The following MAPKAPK2 variants were observed in gnomAD, a reference collection of about 807,000 sequenced individuals.
MAPKAPK2 encodes MAPK activated protein kinase 2.
A neutral mutation model predicts 48.8 loss-of-function variants in MAPKAPK2; 9 were observed. The observed-to-expected ratio is 0.18, with a 90% CI of 0.11 to 0.32. The LOEUF is 0.32. Ranked by LOEUF, MAPKAPK2 falls within the 10% of genes least tolerant of loss-of-function variation. The pLI, the probability that MAPKAPK2 is intolerant of heterozygous loss-of-function variation, is 1.00. For synonymous variants in MAPKAPK2, 202 were observed against 190.6 expected (o/e 1.06, Z -0.49); for missense variants, 331 against 498.3 (o/e 0.66, Z 3.20).
chr1:206,734,142 A>G lies in MAPKAPK2; in HGVS notation c.*1424A>G, dbSNP rs544717587. ...AGGGGCAGGTGGTGGAGGGGCGCCC[A>G]GGGTCGTCTTTGTGTATGGGGGAAG... On this transcript the variant is annotated 3_prime_UTR_variant, in exon 10 of 10. Transcript: ENST00000367103. 6.5e-6 allele frequency: 1 copy of G among 152,874 alleles called. No individual in the cohort carries two copies. The highest frequency in any genetic ancestry group is 1.9e-4 in the East Asian group (1 of 5,298). 9.5% of individuals were successfully genotyped at this position (152,874 alleles called of 1,614,324 possible).
intron 1 of MAPKAPK2, among the ~76,000 whole-genome samples, chr1:206,688,143 T>A (rs563050097): frequency 6.6e-6 from 1 of 152,356 alleles, no homozygotes; most frequent in African/African-American, 2.4e-5. Flanking sequence ...CTCTCCTGGC[T>A]GCTTTTGCTA....
chr1:206,716,674 T>A (rs1553430443), intron 1 of MAPKAPK2, among the ~76,000 whole-genome samples: 2 of 152,184 alleles, frequency 1.3e-5, no homozygotes, highest in South Asian at 2.1e-4. Flanking sequence ...ATTTTAGATT[T>A]GCTTTGGCAG....
In MAPKAPK2 at chr1:206,733,660, C is replaced by T. The variant is rs952250528; in HGVS notation, c.*942C>T. On this transcript the variant is annotated 3_prime_UTR_variant, in exon 10 of 10. Transcript: ENST00000367103. The stretch of plus-strand genomic sequence containing the variant: ...ACTCATCTACTGAATGACCTCTCTA[C>T]TTCCCCTTCTTGCCATTATTAACCC... 2.0e-5 allele frequency: 3 copies of T among 152,114 alleles called. No individual in the cohort carries two copies. Among genetic ancestry groups the T allele is most frequent in the African/African-American group, 7.2e-5 (3 of 41,396 alleles). The allele number at this position is 152,114 out of a possible 1,614,324, so 9.4% of individuals were successfully genotyped here. A position where few individuals can be genotyped will look rare whatever the true frequency, so the allele number is the denominator to read the frequency against.
chr1:206,732,020 C>T lies in MAPKAPK2; in HGVS notation c.1059+101C>T, dbSNP rs557263261. On this transcript the variant is annotated intron_variant, in intron 9 of 9. Transcript: ENST00000367103. The surrounding 1 kb of genome is among the most constrained non-coding windows in gnomAD (Gnocchi z 4.4). ...GGTGCTGGTAGGGGAGAGCTTGATTCTGCCTCTCTCATCCCAGGGGTGTCT... is the reference window on the plus strand; with the variant it reads ...GGTGCTGGTAGGGGAGAGCTTGATTTTGCCTCTCTCATCCCAGGGGTGTCT... 6.2e-7 allele frequency: 1 copy of T among 1,614,128 alleles called. No individual in the cohort carries two copies. Among genetic ancestry groups the T allele is most frequent in the African/African-American group, 1.3e-5 (1 of 75,014 alleles).
chr1:206,702,351 A>G (rs1553428036), intron 1 of MAPKAPK2, among the ~76,000 whole-genome samples: 1 of 152,202 alleles, frequency 6.6e-6, no homozygotes, highest in African/African-American at 2.4e-5. Context: ...AAGTCATGGC[A>G]TGCGTCAGAG....
chr1:206,718,845 T>C (rs1673424690), intron 1 of MAPKAPK2, among the ~76,000 whole-genome samples: 1 of 152,194 alleles, frequency 6.6e-6, no homozygotes, highest in Non-Finnish European at 1.5e-5. Flanking sequence ...TTTGAACATT[T>C]ACAATTTTGA....
Position 206,731,614 on chromosome 1 carries a change from T to A in MAPKAPK2, c.893-26T>A. 3 of 1,586,274 alleles carry A rather than the reference T, an allele frequency of 1.9e-6. No individual in the cohort carries two copies. The highest frequency in any genetic ancestry group is 2.6e-6 in the Non-Finnish European group (3 of 1,154,622). ...GCCAGGGAGAGTGACCCCTGAGCTGTCACTGCCCCCTGTCCCACCCCACAG... is the reference window on the plus strand; with the variant it reads ...GCCAGGGAGAGTGACCCCTGAGCTGACACTGCCCCCTGTCCCACCCCACAG... On this transcript the variant is annotated intron_variant, in intron 7 of 9. Transcript: ENST00000367103. This position sits in a 1 kb window ranked among gnomAD's most constrained non-coding sequence, Gnocchi z 5.9.
Position 206,718,192 on chromosome 1 carries a change from T to C in MAPKAPK2, c.280-10518T>C, listed in dbSNP as rs572251574. ...TGTTTGCTTCTTGTCTTTATGAATA[T>C]ACTTTAAAAGCTACTTAAGTAAGGT... On this transcript the variant is annotated intron_variant, in intron 1 of 9. Coordinates refer to ENST00000367103, the MANE Select transcript of MAPKAPK2 (RefSeq NM_032960.4). Among the ~76,000 whole-genome samples, 4 of 152,364 alleles carry C rather than the reference T, an allele frequency of 2.6e-5. No individual in the cohort carries two copies. In the South Asian group the frequency reaches 6.2e-4, roughly 24 times the overall value.
intron 1 of MAPKAPK2, among the ~76,000 whole-genome samples, chr1:206,708,188 G>T (rs918240238): frequency 3.3e-5 from 5 of 152,152 alleles, no homozygotes; most frequent in African/African-American, 1.2e-4. Context: ...AGGTCACCCT[G>T]GCCTTTTGCA....
chr1:206,713,171 C>T (rs1038164704), intron 1 of MAPKAPK2, among the ~76,000 whole-genome samples: 2 of 152,110 alleles, frequency 1.3e-5, no homozygotes, highest in African/African-American at 4.8e-5. Context: ...AAAGAGAAAC[C>T]GTTTTATAAA....
At position 206,731,510 on chromosome 1, in the gene MAPKAPK2, G is replaced by A; in HGVS notation, c.893-130G>A. On this transcript the variant is annotated intron_variant, in intron 7 of 9. Coordinates refer to ENST00000367103, the MANE Select transcript of MAPKAPK2 (RefSeq NM_032960.4). This position sits in a 1 kb window ranked among gnomAD's most constrained non-coding sequence, Gnocchi z 5.9. ...TGGTACAGCCGTAATGGTCCTTGGG[G>A]CCAGTTGCTCCGGCAGCCTGCCTCC... 2 of 1,080,792 alleles carry A rather than the reference G, an allele frequency of 1.9e-6. No homozygotes were observed. The highest frequency in any genetic ancestry group is 2.8e-6 in the Non-Finnish European group (2 of 713,564). 67.0% of individuals were successfully genotyped at this position (1,080,792 alleles called of 1,614,324 possible). A position where few individuals can be genotyped will look rare whatever the true frequency, so the allele number is the denominator to read the frequency against.
intron 6 of MAPKAPK2, 69 bp downstream of exon 6, chr1:206,730,832 A>G: frequency 6.7e-7 from 1 of 1,500,582 alleles, no homozygotes; most frequent in South Asian, 1.1e-5. Context: ...CCAGGACAAG[A>G]GGAAGAGGCA....
chr1:206,693,638 GT>G (rs1168870008), intron 1 of MAPKAPK2, among the ~76,000 whole-genome samples: 1 of 152,188 alleles, frequency 6.6e-6, no homozygotes, highest in Non-Finnish European at 1.5e-5. Context: ...GAGTTACCTG[GT>G]TATGGTAACA....
intron 1 of MAPKAPK2, among the ~76,000 whole-genome samples, chr1:206,707,328 G>T (rs1017556531): frequency 1.3e-5 from 2 of 152,136 alleles, no homozygotes; most frequent in Admixed American, 1.3e-4. Context: ...TGGGAAGGAA[G>T]TTCTGCCAGA....
chr1:206,733,583 C>A lies in MAPKAPK2; in HGVS notation c.*865C>A, dbSNP rs1288012589. ...GCGATCAGGAAGACTGGACCCCCAGCCCCCAGGGCCCCCCTCCCCCCACTT... is the reference window on the plus strand; with the variant it reads ...GCGATCAGGAAGACTGGACCCCCAGACCCCAGGGCCCCCCTCCCCCCACTT... On this transcript the variant is annotated 3_prime_UTR_variant, in exon 10 of 10. Coordinates refer to ENST00000367103, the MANE Select transcript of MAPKAPK2 (RefSeq NM_032960.4). 1 of 152,400 alleles carries A rather than the reference C, an allele frequency of 6.6e-6. No homozygotes were observed. Among genetic ancestry groups the A allele is most frequent in the African/African-American group, 2.4e-5 (1 of 41,410 alleles). 9.4% of individuals were successfully genotyped at this position (152,400 alleles called of 1,614,324 possible).
chr1:206,713,625 C>T (rs1430849148), intron 1 of MAPKAPK2, among the ~76,000 whole-genome samples: 3 of 151,976 alleles, frequency 2.0e-5, no homozygotes, highest in East Asian at 1.9e-4. Context: ...CTAGTACTTT[C>T]GGAGGCCGAG....
intron 6 of MAPKAPK2, 123 bp downstream of exon 6, chr1:206,730,886 C>T (rs1006689749): frequency 1.3e-5 from 14 of 1,097,830 alleles, no homozygotes; most frequent in Non-Finnish European, 1.9e-5. Context: ...CCTGCGTGCC[C>T]CTTCTCTCAG....
Position 206,732,638 on chromosome 1 carries a change from A to G in MAPKAPK2, c.1123A>G (p.Ile375Val). 1 of 1,614,208 alleles carries G rather than the reference A, an allele frequency of 6.2e-7. No individual in the cohort carries two copies. Among genetic ancestry groups the G allele is most frequent in the Non-Finnish European group, 8.5e-7 (1 of 1,180,034 alleles). The change falls in exon 10 of 10, where the codon ATT (isoleucine) becomes GTT (valine). Residue 375 changes from isoleucine (I) to valine (V), a missense_variant. Ile to Val is a conservative substitution (Grantham distance 29, BLOSUM62 3). Around this residue, in one of 4 missense-constraint regions of MAPKAPK2, gnomAD observed 124 missense variants for 194.6 expected, o/e 0.64. Coordinates refer to ENST00000367103, the MANE Select transcript of MAPKAPK2 (RefSeq NM_032960.4). The surrounding 1 kb of genome is among the most constrained non-coding windows in gnomAD (Gnocchi z 4.4). The part of the protein sequence containing the change: ...VDYEQIKIKK[I>V]EDASNPLLLK... The stretch of plus-strand genomic sequence containing the variant: ...CTACGAGCAGATCAAGATAAAAAAG[A>G]TTGAAGATGCATCCAACCCTCTGCT...
chr1:206,698,979 A>T (rs1672712137), intron 1 of MAPKAPK2, among the ~76,000 whole-genome samples: 1 of 152,216 alleles, frequency 6.6e-6, no homozygotes, highest in Admixed American at 6.5e-5. Context: ...CTCCATTATA[A>T]TTGGGTACTT....
Sources: gnomAD v4.1 joint callset for allele counts (sites outside exome capture counted in the v4.1 genomes callset) on GRCh38, gnomAD v4.1.1 for gene constraint, gnomAD v4.1.1 regional missense constraint, Gnocchi (gnomAD v3.1) non-coding constraint, MANE v1.5 for transcripts, NCBI Gene and HGNC (gene_info 2026-07-23, HGNC 2026-07-21) for gene names.